PCDHGB5: variants seen among roughly 807,000 people sequenced by gnomAD.
The protein encoded by PCDHGB5 is protocadherin gamma subfamily B, 5, also known as protocadherin gamma-B5.
A neutral mutation model predicts 62.9 loss-of-function variants in PCDHGB5; 48 were observed. The ratio of observed to expected loss-of-function variants is 0.76; its 90% CI spans 0.61 to 0.97. The LOEUF (loss-of-function observed/expected upper bound fraction) is 0.97, where lower values mean the gene tolerates loss of function less well. Ranked by LOEUF, PCDHGB5 falls within the 50% of genes least tolerant of loss-of-function variation. The probability of loss-of-function intolerance (pLI) is 0.00; values close to 1 mark genes in which losing one functional copy is unlikely to be tolerated. For synonymous variants in PCDHGB5, 474 were observed against 511.2 expected (o/e 0.93, Z 0.98); for missense variants, 1,118 against 1,198.6 (o/e 0.93, Z 0.99).
rs201409669 is a variant in PCDHGB5 at position 141,490,703 on chromosome 5, G to A, written c.2398-4104G>A. The stretch of plus-strand genomic sequence containing the variant: ...GATCCAGACACTGGGGATAATGCCC[G>A]CCTCACCTACTCCATTGTAGGAAAT... On this transcript the variant is annotated intron_variant, in intron 1 of 3. Coordinates refer to ENST00000617380, the MANE Select transcript of PCDHGB5 (RefSeq NM_018925.3). This position sits in a 1 kb window ranked among gnomAD's most constrained non-coding sequence, Gnocchi z 5.4. 2.6e-4 allele frequency: 421 copies of A among 1,614,106 alleles called. No homozygotes were observed. Among genetic ancestry groups the A allele is most frequent in the Middle Eastern group, 6.6e-4 (4 of 6,062 alleles).
In PCDHGB5 at chr5:141,485,848, C is replaced by A; in HGVS notation, c.2398-8959C>A. The stretch of plus-strand genomic sequence containing the variant: ...GAGGGAACCCGCCGAGATCTGGCAC[C>A]GCAGAGCTCCGGGTATCCGTGCTGG... On this transcript the variant is annotated intron_variant, in intron 1 of 3. Transcript: ENST00000617380. This position sits in a 1 kb window ranked among gnomAD's most constrained non-coding sequence, Gnocchi z 5.7. 1 of 1,614,192 alleles carries A rather than the reference C, an allele frequency of 6.2e-7. No homozygotes were observed. The highest frequency in any genetic ancestry group is 8.5e-7 in the Non-Finnish European group (1 of 1,180,020).
chr5:141,468,463 T>G (rs574151637), intron 1 of PCDHGB5: 6 of 152,282 alleles, frequency 3.9e-5, no homozygotes, highest in African/African-American at 1.4e-4. Flanking sequence ...AGCAAGTTAT[T>G]TCTGAGGAGA....
In PCDHGB5 at chr5:141,431,414, G is replaced by A. The variant is rs1184197093; in HGVS notation, c.2397+30890G>A. On this transcript the variant is annotated intron_variant, in intron 1 of 3. Coordinates refer to ENST00000617380, the MANE Select transcript of PCDHGB5 (RefSeq NM_018925.3). The surrounding 1 kb of genome is among the most constrained non-coding windows in gnomAD (Gnocchi z 4.8). ...GGTCCTTACGGCCTCCGACGGGGGC[G>A]ACCCGGTGCGCACAGGCACCGCGCG... The A allele has an allele frequency of 6.2e-7, 1 of 1,613,658 alleles. No homozygotes were observed. The highest frequency in any genetic ancestry group is 1.7e-5 in the Admixed American group (1 of 60,026).
chr5:141,409,096 A>C, intron 1 of PCDHGB5: 1 of 1,614,074 alleles, frequency 6.2e-7, no homozygotes, highest in African/African-American at 1.3e-5. Context: ...ATGAGAAAAC[A>C]GGTATGATTA....
chr5:141,511,353 A>C lies in PCDHGB5; in HGVS notation c.*180A>C. ...AGTCAGCACCTACCCCTTCCCCCCC[A>C]GGGGGTTGAATATGCAAAAGCAGTT... On this transcript the variant is annotated 3_prime_UTR_variant, in exon 4 of 4. Transcript: ENST00000617380. 7.3e-7 allele frequency: 1 copy of C among 1,371,054 alleles called. No individual in the cohort carries two copies. Among genetic ancestry groups the C allele is most frequent in the Non-Finnish European group, 9.7e-7 (1 of 1,027,740 alleles). The allele number at this position is 1,371,054 out of a possible 1,614,324, so 84.9% of individuals were successfully genotyped here. A position where few individuals can be genotyped will look rare whatever the true frequency, so the allele number is the denominator to read the frequency against.
rs79464787 is a variant in PCDHGB5, at chr5:141,480,455, T to C, written c.2398-14352T>C. Among the ~76,000 whole-genome samples the C allele has an allele frequency of 7.4e-3, 1,134 of 152,274 alleles. 17 individuals are homozygous for C. The highest frequency in any genetic ancestry group is 0.026 in the African/African-American group (1,086 of 41,548). ...CAGCTATTACTATAATTATTTTTAT[T>C]AGTTCCTCACTCACCTAAAATCTCA... On this transcript the variant is annotated intron_variant, in intron 1 of 3. Transcript: ENST00000617380.
chr5:141,399,579 C>T lies in PCDHGB5; in HGVS notation c.1452C>T (p.Ser484=). The T allele has an allele frequency of 6.2e-7, 1 of 1,614,026 alleles. No homozygotes were observed. The highest frequency in any genetic ancestry group is 1.1e-5 in the South Asian group (1 of 91,082). ...ACTTGGGGTTGAACGGCCAAGTCTC[C>T]TACTCTATCATGGCCAGCGACCTAG... ...DLDLGLNGQV[S]YSIMASDLEP... The change falls in exon 1 of 4, where the codon TCC becomes TCT. Residue 484 remains serine, a synonymous_variant. Transcript: ENST00000617380.
chr5:141,413,909 T>C, intron 1 of PCDHGB5: 2 of 1,613,316 alleles, frequency 1.2e-6, no homozygotes, highest in Non-Finnish European at 1.7e-6. Context: ...AACGCGCCGG[T>C]CTTCACCTTG....
chr5:141,455,401 A>G (rs1252870027), intron 1 of PCDHGB5, among the ~76,000 whole-genome samples: 1 of 152,158 alleles, frequency 6.6e-6, no homozygotes, highest in Non-Finnish European at 1.5e-5. Context: ...TCCCCCTTAC[A>G]GAGACAGAGG....
intron 1 of PCDHGB5, among the ~76,000 whole-genome samples, chr5:141,473,907 C>T (rs552055360): frequency 2.0e-4 from 30 of 152,220 alleles, no homozygotes; most frequent in African/African-American, 7.2e-4. Context: ...ATGAAGAGGT[C>T]TTAAGAAAAC....
At chr5:141,500,809 A>G (rs1018522111) in intron 2 of PCDHGB5, among the ~76,000 whole-genome samples, 1 of 152,324 alleles carries the variant, frequency 6.6e-6, no homozygotes, top group African/African-American at 2.4e-5. Context: ...CCTCATATGA[A>G]TATACATATT....
rs191916514 is a variant in PCDHGB5, at chr5:141,456,716, G to A, written c.2398-38091G>A. 3.9e-3 allele frequency among the ~76,000 whole-genome samples: 589 copies of A among 152,314 alleles called. 5 individuals carry two copies. Among genetic ancestry groups the A allele is most frequent in the Admixed American group, 0.011 (169 of 15,300 alleles). On this transcript the variant is annotated intron_variant, in intron 1 of 3. Transcript: ENST00000617380. ...GTGGTGGCTCGCGCCTGTAATCCCA[G>A]CACTTTGGGAGGCTGAGGCGGGAGC...
chr5:141,489,363 G>T lies in PCDHGB5; in HGVS notation c.2398-5444G>T, dbSNP rs767837736. 20 of 1,613,114 alleles carry T rather than the reference G, an allele frequency of 1.2e-5. No homozygotes were observed. Among genetic ancestry groups the T allele is most frequent in the Non-Finnish European group, 1.7e-5 (20 of 1,179,354 alleles). ...ACTCAGTGGTGGAGGAGTCTGAGCCGGGGACGCTGGTGGGGAATGTTGCTC... is the reference window on the plus strand; with the variant it reads ...ACTCAGTGGTGGAGGAGTCTGAGCCTGGGACGCTGGTGGGGAATGTTGCTC... On this transcript the variant is annotated intron_variant, in intron 1 of 3. Transcript: ENST00000617380. The surrounding 1 kb of genome is among the most constrained non-coding windows in gnomAD (Gnocchi z 4.5).
chr5:141,419,878 G>T (rs1342215231), intron 1 of PCDHGB5: 1 of 1,613,942 alleles, frequency 6.2e-7, no homozygotes, highest in African/African-American at 1.3e-5. Context: ...AGGTACTGCC[G>T]GATTTCAGCG....
Position 141,476,838 on chromosome 5 carries a change from C to T in PCDHGB5, c.2398-17969C>T, listed in dbSNP as rs1347278637. 2.5e-6 allele frequency: 4 copies of T among 1,613,496 alleles called. No individual in the cohort carries two copies. Among genetic ancestry groups the T allele is most frequent in the Non-Finnish European group, 3.4e-6 (4 of 1,180,054 alleles). ...AAGGTGCTGGACGCGAATGACAATG[C>T]GCCTGTCTTCAACCAGTCCTTGTAC... On this transcript the variant is annotated intron_variant, in intron 1 of 3. Transcript: ENST00000617380. This position sits in a 1 kb window ranked among gnomAD's most constrained non-coding sequence, Gnocchi z 7.6.
Position 141,491,245 on chromosome 5 carries a change from G to A in PCDHGB5, c.2398-3562G>A, listed in dbSNP as rs1171588507. ...CACAGTGCTGCTGGTTCTGGAGGATGAGGACCCTGAGGAAATGCCCAAATC... is the reference window on the plus strand; with the variant it reads ...CACAGTGCTGCTGGTTCTGGAGGATAAGGACCCTGAGGAAATGCCCAAATC... On this transcript the variant is annotated intron_variant, in intron 1 of 3. Transcript: ENST00000617380. The surrounding 1 kb of genome is among the most constrained non-coding windows in gnomAD (Gnocchi z 6.9). 2 of 1,614,086 alleles carry A rather than the reference G, an allele frequency of 1.2e-6. No individual in the cohort carries two copies. Among genetic ancestry groups the A allele is most frequent in the East Asian group, 4.5e-5 (2 of 44,888 alleles).
At chr5:141,455,920 C>A (rs941360102) in intron 1 of PCDHGB5, among the ~76,000 whole-genome samples, 1 of 147,944 alleles carries the variant, frequency 6.8e-6, no homozygotes, top group Non-Finnish European at 1.5e-5. Flanking sequence ...TATTTTGAGA[C>A]GGAGTCTCGC....
chr5:141,422,836 G>A, intron 1 of PCDHGB5: 1 of 1,614,250 alleles, frequency 6.2e-7, no homozygotes, highest in Middle Eastern at 1.6e-4. Flanking sequence ...GATAGCACGT[G>A]ACAGCGGGGA....
Position 141,398,399 on chromosome 5 carries a change from A to G in PCDHGB5, c.272A>G (p.Asp91Gly), listed in dbSNP as rs763282563. 8 of 1,466,584 alleles carry G rather than the reference A, an allele frequency of 5.5e-6. No individual in the cohort carries two copies. In the Admixed American group the frequency reaches 7.2e-5, roughly 13 times the overall value. 90.8% of individuals were successfully genotyped at this position (1,466,584 alleles called of 1,614,324 possible). ...SGELLVSSRLDREEICGKKPA... is the reference protein window; with the variant it reads ...SGELLVSSRLGREEICGKKPA... ...GAGTTGCTTGTGAGCAGCAGGCTAG[A>G]CAGGGAGGAGATATGCGGGAAGAAG... Residue 91 changes from aspartate to glycine, a missense_variant, in exon 1 of 4, where the codon GAC becomes GGC. By Grantham distance (94) the Asp-to-Gly change is moderately conservative. Around this residue, in one of 2 missense-constraint regions of PCDHGB5, gnomAD observed 84 missense variants for 169.5 expected, o/e 0.50. Coordinates refer to ENST00000617380, the MANE Select transcript of PCDHGB5 (RefSeq NM_018925.3).
Sources: allele counts gnomAD v4.1 joint callset (sites outside exome capture counted in the v4.1 genomes callset), GRCh38; gene constraint gnomAD v4.1.1; regional missense constraint gnomAD v4.1.1; non-coding constraint Gnocchi (gnomAD v3.1); transcripts MANE v1.5; gene names NCBI Gene and HGNC (gene_info 2026-07-23, HGNC 2026-07-21).